The following HIVEP1 variants were observed in gnomAD, a reference collection of about 807,000 sequenced individuals.
HIVEP1 encodes zinc finger protein 40.
HIVEP1 carries 36 observed loss-of-function variants against 180.0 expected under a neutral mutation model. That is an observed-to-expected ratio of 0.20 (90% CI 0.15 to 0.26). The LOEUF is 0.26. HIVEP1 is among the 10% of genes least tolerant of loss of function. HIVEP1 has a pLI of 1.00. For missense variants in HIVEP1, 3,143 were observed against 3,268.7 expected (o/e 0.96, Z 0.94); for synonymous variants, 1,239 against 1,239.0 (o/e 1.00, Z 0.00).
At chr6:12,062,259 C>T (rs1428532942) in intron 2 of HIVEP1, among the ~76,000 whole-genome samples, 2 of 152,104 alleles carry the variant, frequency 1.3e-5, no homozygotes, top group Non-Finnish European at 2.9e-5. Flanking sequence ...TTACTTAATA[C>T]ATGTTAGAGA....
chr6:12,146,251 T>A (rs1407821699), intron 7 of HIVEP1, among the ~76,000 whole-genome samples: 1 of 152,192 alleles, frequency 6.6e-6, no homozygotes, highest in Non-Finnish European at 1.5e-5. Flanking sequence ...AAGACCAGCC[T>A]GACTAACATG....
chr6:12,090,598 C>T (rs1773404247), intron 3 of HIVEP1, among the ~76,000 whole-genome samples: 1 of 149,184 alleles, frequency 6.7e-6, no homozygotes, highest in Non-Finnish European at 1.5e-5. Flanking sequence ...TACAGAAAAA[C>T]AAGCATAGAA....
chr6:12,058,027 T>C (rs922259523), intron 2 of HIVEP1, among the ~76,000 whole-genome samples: 1 of 152,210 alleles, frequency 6.6e-6, no homozygotes, highest in African/African-American at 2.4e-5. Flanking sequence ...AAACCAATTG[T>C]GGCTTTCTTG....
At chr6:12,049,530 C>T (rs943900554) in intron 2 of HIVEP1, among the ~76,000 whole-genome samples, 1 of 152,106 alleles carries the variant, frequency 6.6e-6, no homozygotes, top group East Asian at 1.9e-4. Flanking sequence ...AATGACTATA[C>T]GATATTAAAG....
At chr6:12,108,229 G>C (rs1043900580) in intron 3 of HIVEP1, among the ~76,000 whole-genome samples, 1 of 152,192 alleles carries the variant, frequency 6.6e-6, no homozygotes, top group Non-Finnish European at 1.5e-5. Context: ...CAAACCTTGA[G>C]CTAGATACAG....
rs368104555 is a variant in HIVEP1, at chr6:12,161,821, G to T, written c.6870G>T (p.Pro2290=). 10 of 1,614,012 alleles carry T rather than the reference G, an allele frequency of 6.2e-6. No individual in the cohort carries two copies. In the African/African-American group the frequency reaches 1.2e-4, roughly 19 times the overall value. Residue 2290 remains proline, a synonymous_variant, in exon 8 of 9, where the codon CCG becomes CCT. Transcript: ENST00000379388. The stretch of plus-strand genomic sequence containing the variant: ...CGAGAGATGAAAACGACACAATTCC[G>T]TCTGTAGACACTTCCAGGTCCCCGT... ...RAARDENDTI[P]SVDTSRSPCH... is the part of the protein sequence containing the mutation.
the HIVEP1 span, among the ~76,000 whole-genome samples, chr6:12,207,937 C>G: frequency 6.6e-6 from 1 of 150,580 alleles, no homozygotes; most frequent in Admixed American, 6.6e-5. Flanking sequence ...ATTTATGGAT[C>G]ATGGATGTGG....
At position 12,083,097 on chromosome 6, in the gene HIVEP1, A is replaced by G. The variant is rs567470023; in HGVS notation, c.41-6087A>G. Among the ~76,000 whole-genome samples, 45 of 152,210 alleles carry G rather than the reference A, an allele frequency of 3.0e-4. 1 individual carries two copies. The highest frequency in any genetic ancestry group is 6.5e-5 in the Admixed American group (1 of 15,292). Reference sequence around the variant, plus strand: ...AACTGCCTGTTAATGCACTACCTTCAGATACCCAGTTGGCCTTCTTCATAG... The same window carrying G: ...AACTGCCTGTTAATGCACTACCTTCGGATACCCAGTTGGCCTTCTTCATAG... On this transcript the variant is annotated intron_variant, in intron 2 of 8. Transcript: ENST00000379388.
the HIVEP1 span, among the ~76,000 whole-genome samples, chr6:12,202,521 C>A: frequency 5.9e-5 from 9 of 152,250 alleles, no homozygotes; most frequent in East Asian, 1.7e-3. Flanking sequence ...GGAAAAATGA[C>A]TATTTTAGGT....
At chr6:12,032,399 C>T (rs773242080) in intron 2 of HIVEP1, among the ~76,000 whole-genome samples, 16 of 152,200 alleles carry the variant, frequency 1.1e-4, no homozygotes, top group Admixed American at 2.0e-4. Flanking sequence ...GCCTCAGCCT[C>T]CCAAAGTGCT....
At chr6:12,167,677 T>C (rs373681366), downstream of HIVEP1, among the ~76,000 whole-genome samples, 3 of 23,044 alleles carry the variant, frequency 1.3e-4, no homozygotes, top group South Asian at 1.2e-3. Flanking sequence ...TATATACATA[T>C]ATGTGTATAA....
intron 2 of HIVEP1, among the ~76,000 whole-genome samples, chr6:12,032,422 G>A (rs190826201): frequency 2.3e-4 from 35 of 152,158 alleles, no homozygotes; most frequent in Admixed American, 1.6e-3. Flanking sequence ...GATTACAGGC[G>A]TGAGCCACCG....
At chr6:12,205,673 G>A in the HIVEP1 span, among the ~76,000 whole-genome samples, 3 of 152,080 alleles carry the variant, frequency 2.0e-5, no homozygotes, top group Non-Finnish European at 4.4e-5. Context: ...CGTTATAAGG[G>A]TTATATAAAT....
At chr6:12,048,480 C>G (rs951458070) in intron 2 of HIVEP1, among the ~76,000 whole-genome samples, 1 of 152,098 alleles carries the variant, frequency 6.6e-6, no homozygotes, top group African/African-American at 2.4e-5. Context: ...GCCCATCATC[C>G]CACCCCAAAA....
At position 12,120,355 on chromosome 6, in the gene HIVEP1, C is replaced by T. The variant is rs2228209; in HGVS notation, c.560C>T (p.Thr187Met). The part of the protein sequence containing the change: ...SECISSHCGT[T>M]SPSYTNTAFD... Reference sequence around the variant, plus strand: ...TGCATCTCTTCTCATTGTGGCACTACGTCCCCCTCCTATACAAACACTGCA... The same window carrying T: ...TGCATCTCTTCTCATTGTGGCACTATGTCCCCCTCCTATACAAACACTGCA... Residue 187 changes from threonine (T) to methionine (M), a missense_variant, in exon 4 of 9, where the codon ACG becomes ATG. By Grantham distance (81) the Thr-to-Met change is moderately conservative. Around this residue, in one of 12 missense-constraint regions of HIVEP1, gnomAD observed 306 missense variants for 310.6 expected, o/e 0.99. Transcript: ENST00000379388. 0.33 allele frequency: 526,521 copies of T among 1,613,756 alleles called. 89,887 individuals carry two copies. Among genetic ancestry groups the T allele is most frequent in the Non-Finnish European group, 0.35 (416,761 of 1,179,748 alleles).
chr6:12,038,005 G>A (rs1258879192), intron 2 of HIVEP1: 7 of 374,062 alleles, frequency 1.9e-5, no homozygotes, highest in East Asian at 1.5e-4. Context: ...ATGAGCCACC[G>A]CACCTAGTCT....
chr6:12,050,106 C>T (rs1343082952), intron 2 of HIVEP1, among the ~76,000 whole-genome samples: 1 of 152,122 alleles, frequency 6.6e-6, no homozygotes, highest in Admixed American at 6.5e-5. Context: ...ACACTGACAC[C>T]ATTAACTGCC....
chr6:12,015,585 T>A lies in HIVEP1; in HGVS notation c.-44T>A, dbSNP rs768791716. ...AGCTGCCTTTTGGTGGCTTGCTTTATCTGCAGTTTTTAAGAAGAAAAAGAA... is the reference window on the plus strand; with the variant it reads ...AGCTGCCTTTTGGTGGCTTGCTTTAACTGCAGTTTTTAAGAAGAAAAAGAA... On this transcript the variant is annotated 5_prime_UTR_variant, in exon 2 of 9. The change creates a premature stop within an existing upstream ORF in the 5' untranslated region. Transcript: ENST00000379388. 8 of 1,558,904 alleles carry A rather than the reference T, an allele frequency of 5.1e-6. No homozygotes were observed. In the South Asian group the frequency reaches 7.9e-5, roughly 15 times the overall value.
intron 2 of HIVEP1, among the ~76,000 whole-genome samples, chr6:12,034,606 G>C (rs998718646): frequency 6.6e-6 from 1 of 152,198 alleles, no homozygotes; most frequent in African/African-American, 2.4e-5. Flanking sequence ...AGGAGAGACT[G>C]GGAAAGGAGA....
Sources: gnomAD v4.1 joint callset for allele counts (sites outside exome capture counted in the v4.1 genomes callset) on GRCh38, gnomAD v4.1.1 for gene constraint, gnomAD v4.1.1 regional missense constraint, MANE v1.5 for transcripts, NCBI Gene and HGNC (gene_info 2026-07-23, HGNC 2026-07-21) for gene names.